Variants in RNF150 observed in about 807,000 individuals in gnomAD.
RNF150 encodes the protein ring finger protein 150.
A neutral mutation model predicts 39.3 loss-of-function variants in RNF150; 24 were observed. The observed-to-expected ratio is 0.61, with a 90% confidence interval of 0.44 to 0.86. The LOEUF (loss-of-function observed/expected upper bound fraction) is 0.86, where lower values mean the gene tolerates loss of function less well. Ranked by LOEUF, RNF150 falls within the 40% of genes least tolerant of loss-of-function variation. RNF150 has a pLI of 0.00. For synonymous variants in RNF150, 255 were observed against 227.3 expected, an observed-to-expected ratio of 1.12 and a Z score of -1.10; for missense variants, 502 against 587.8, an observed-to-expected ratio of 0.85 and a Z score of 1.51.
upstream of RNF150, among the ~76,000 whole-genome samples, chr4:141,134,688 G>T (rs1244937450): frequency 6.6e-6 from 1 of 152,210 alleles, no homozygotes; most frequent in Non-Finnish European, 1.5e-5. Flanking sequence ...TGCTGAATTT[G>T]TATGTGTTCC....
At chr4:141,090,265 A>G (rs1738529119) in intron 1 of RNF150, among the ~76,000 whole-genome samples, 1 of 152,186 alleles carries the variant, frequency 6.6e-6, no homozygotes, top group Non-Finnish European at 1.5e-5. Context: ...CTTCATTTTC[A>G]TGAGAGGGAA....
intron 1 of RNF150, among the ~76,000 whole-genome samples, chr4:141,037,217 G>T (rs1736180513): frequency 6.6e-6 from 1 of 152,024 alleles, no homozygotes; most frequent in Admixed American, 6.6e-5. Flanking sequence ...CTACTAAATT[G>T]TCCTTAGCTT....
intron 1 of RNF150, among the ~76,000 whole-genome samples, chr4:141,057,920 C>A (rs1314429473): frequency 6.6e-6 from 1 of 152,080 alleles, no homozygotes; most frequent in Non-Finnish European, 1.5e-5. Flanking sequence ...GAGGTTTTCT[C>A]CTAATGAAAT....
intron 1 of RNF150, among the ~76,000 whole-genome samples, chr4:141,142,518 A>G (rs1453024995): frequency 6.6e-6 from 1 of 152,216 alleles, no homozygotes; most frequent in African/African-American, 2.4e-5. Flanking sequence ...AAACTTTTCA[A>G]AAACATTGGC....
intron 1 of RNF150, among the ~76,000 whole-genome samples, chr4:141,202,282 A>AAGT (rs1389872658): frequency 6.6e-6 from 1 of 152,098 alleles, no homozygotes; most frequent in Non-Finnish European, 1.5e-5. Flanking sequence ...TACAGAATTC[A>AAGT]AGTCTGGGAT....
intron 1 of RNF150, among the ~76,000 whole-genome samples, chr4:141,185,290 A>T (rs149161341): frequency 3.9e-5 from 6 of 152,170 alleles, no homozygotes; most frequent in Non-Finnish European, 5.9e-5. Flanking sequence ...TCTTTGTAGC[A>T]ATTGTGAATG....
intron 1 of RNF150, among the ~76,000 whole-genome samples, chr4:140,995,654 C>T (rs768130234): frequency 3.9e-5 from 6 of 152,068 alleles, no homozygotes; most frequent in Non-Finnish European, 8.8e-5. Flanking sequence ...AGTTGTGTCC[C>T]GCCTCCTATC....
intron 1 of RNF150, among the ~76,000 whole-genome samples, chr4:141,111,034 G>A (rs1739369350): frequency 6.6e-6 from 1 of 152,060 alleles, no homozygotes; most frequent in Non-Finnish European, 1.5e-5. Context: ...TAAATCATCT[G>A]AAGAGCCATG....
intron 4 of RNF150, among the ~76,000 whole-genome samples, chr4:140,942,164 C>T (rs1732112740): frequency 6.6e-6 from 1 of 151,944 alleles, no homozygotes; most frequent in Non-Finnish European, 1.5e-5. Context: ...ATACATTTTA[C>T]CAAAAAAAAC....
At chr4:140,912,962 A>AAG (rs1730665502) in intron 5 of RNF150, among the ~76,000 whole-genome samples, 1 of 74,554 alleles carries the variant, frequency 1.3e-5, no homozygotes, top group African/African-American at 6.1e-5. Context: ...CAGAACATAA[A>AAG]AAAAAAAAAA....
rs538566862 is a variant in RNF150, at chr4:140,934,704, C to T, written c.891-8631G>A. Among the ~76,000 whole-genome samples the T allele has an allele frequency of 1.2e-4, 18 of 151,750 alleles. No individual in the cohort carries two copies. The South Asian group carries it at 3.7e-3, about 32-fold the overall frequency. ...GCAGATTTTTAGCCAAAACCATATC[C>T]CCAGAGGTATGAAAGTACAACAGGG... On this transcript the variant is annotated intron_variant, in intron 4 of 6. Coordinates refer to ENST00000515673, the MANE Select transcript of RNF150 (RefSeq NM_020724.2).
chr4:141,198,033 CTTT>C (rs143206387), intron 1 of RNF150, among the ~76,000 whole-genome samples: 2 of 139,456 alleles, frequency 1.4e-5, no homozygotes, highest in Non-Finnish European at 1.6e-5. Flanking sequence ...TAGACCACTC[CTTT>C]TTTTTTTTTT....
intron 2 of RNF150, among the ~76,000 whole-genome samples, chr4:140,957,434 C>T (rs964989651): frequency 3.9e-5 from 6 of 152,132 alleles, no homozygotes; most frequent in African/African-American, 1.4e-4. Context: ...GAAATAGGAA[C>T]ACTTCTACAC....
chr4:140,998,899 T>C (rs1357275888), intron 1 of RNF150, among the ~76,000 whole-genome samples: 1 of 150,696 alleles, frequency 6.6e-6, no homozygotes, highest in Non-Finnish European at 1.5e-5. Flanking sequence ...CTTCCAAAAA[T>C]AGTGAGCTTC....
At chr4:141,171,991 G>A (rs535428912) in intron 1 of RNF150, among the ~76,000 whole-genome samples, 8 of 152,126 alleles carry the variant, frequency 5.3e-5, no homozygotes, top group East Asian at 3.9e-4. Context: ...TTATAATACC[G>A]CATATCATAT....
At chr4:141,190,601 A>C (rs931496570) in intron 1 of RNF150, among the ~76,000 whole-genome samples, 13 of 152,220 alleles carry the variant, frequency 8.5e-5, no homozygotes, top group African/African-American at 3.1e-4. Flanking sequence ...CCTTGCTTGC[A>C]GGCCTGTGAG....
chr4:141,077,777 G>A (rs907947736), intron 1 of RNF150, among the ~76,000 whole-genome samples: 6 of 152,228 alleles, frequency 3.9e-5, no homozygotes, highest in African/African-American at 1.4e-4. Context: ...ACCTCCAAAG[G>A]TTTTGCTATC....
intron 6 of RNF150, 53 bp downstream of exon 6, chr4:140,911,091 C>T (rs918576251): frequency 4.1e-6 from 6 of 1,447,294 alleles, no homozygotes; most frequent in African/African-American, 1.4e-5. Flanking sequence ...TTTCCAATTC[C>T]TACAAGGCAA....
Position 140,952,072 on chromosome 4 carries a change from C to T in RNF150, c.736-2700G>A, listed in dbSNP as rs183346188. ...CTACCCAGGCTGGAGTGCAGTGGTG[C>T]GATCTCGGCTCACTGCAACCTCTGC... On this transcript the variant is annotated intron_variant, in intron 2 of 6. Transcript: ENST00000515673. 5.1e-4 allele frequency among the ~76,000 whole-genome samples: 77 copies of T among 152,078 alleles called. 1 individual carries two copies. In the East Asian group the frequency reaches 0.012, roughly 24 times the overall value.
Sources: allele counts gnomAD v4.1 joint callset (sites outside exome capture counted in the v4.1 genomes callset), GRCh38; gene constraint gnomAD v4.1.1; transcripts MANE v1.5; gene names NCBI Gene and HGNC (gene_info 2026-07-23, HGNC 2026-07-21).